The following ATP11A variants were observed in gnomAD, a reference collection of about 807,000 sequenced individuals.
ATP11A encodes phospholipid-transporting ATPase IH.
A neutral mutation model predicts 154.4 loss-of-function variants in ATP11A; 81 were observed. That is an observed-to-expected ratio of 0.52 (90% CI 0.44 to 0.63). The LOEUF is 0.63. Among genes scored for constraint, ATP11A ranks in the 30% least tolerant of loss-of-function variants. The pLI, the probability that ATP11A is intolerant of heterozygous loss-of-function variation, is 0.00. For synonymous variants in ATP11A, 623 were observed against 585.9 expected (o/e 1.06, Z -0.91); for missense variants, 1,316 against 1,474.3 (o/e 0.89, Z 1.76).
At chr13:112,826,955 C>G (rs2078950100) in intron 12 of ATP11A, 64 bp downstream of exon 12, 3 of 1,552,898 alleles carry the variant, frequency 1.9e-6, no homozygotes, top group Non-Finnish European at 1.8e-6. Context: ...CTTCACGTTC[C>G]TCAGGTCCTG....
chr13:112,755,845 G>A (rs1272620120), intron 1 of ATP11A, among the ~76,000 whole-genome samples: 4 of 70,122 alleles, frequency 5.7e-5, no homozygotes, highest in East Asian at 7.6e-4. Flanking sequence ...CACTCAGAGC[G>A]GCTCCCAGAA....
In ATP11A at chr13:112,875,588, C is replaced by A. The variant is rs141131680; in HGVS notation, c.3162-188C>A. Among the ~76,000 whole-genome samples, 243 of 151,886 alleles carry A rather than the reference C, an allele frequency of 1.6e-3. No individual in the cohort carries two copies. Among genetic ancestry groups the A allele is most frequent in the African/African-American group, 5.6e-3 (233 of 41,310 alleles). On this transcript the variant is annotated intron_variant, in intron 27 of 29. Transcript: ENST00000375645. This position sits in a 1 kb window ranked among gnomAD's most constrained non-coding sequence, Gnocchi z 4.1. ...GAATTCCTTCTCCCGTTCCTCTTAC[C>A]CCAGCATTACCGGGAGGTTCAGTGT...
chr13:112,721,568 G>T (rs929064228), intron 1 of ATP11A, among the ~76,000 whole-genome samples: 1 of 152,164 alleles, frequency 6.6e-6, no homozygotes, highest in African/African-American at 2.4e-5. Context: ...GATGGAACGG[G>T]GATGTGGCCT....
At position 112,875,285 on chromosome 13, in the gene ATP11A, C is replaced by G. The variant is rs2080684249; in HGVS notation, c.3162-491C>G. ...GCACGTATAGACGTGGACCTGTGGG[C>G]TCGGGCTGGCTGCGGGTCACTGGTC... is the stretch of plus-strand genomic sequence containing the variant. On this transcript the variant is annotated intron_variant, in intron 27 of 29. Transcript: ENST00000375645. This position sits in a 1 kb window ranked among gnomAD's most constrained non-coding sequence, Gnocchi z 4.1. Among the ~76,000 whole-genome samples the G allele has an allele frequency of 6.6e-6, 1 of 152,186 alleles. No homozygotes were observed. The highest frequency in any genetic ancestry group is 1.5e-5 in the Non-Finnish European group (1 of 68,038).
chr13:112,817,329 A>G (rs541522090), intron 6 of ATP11A, among the ~76,000 whole-genome samples: 1 of 152,340 alleles, frequency 6.6e-6, no homozygotes, highest in South Asian at 2.1e-4. Flanking sequence ...CTAGTCTTTC[A>G]TAGATAATTC....
chr13:112,802,964 CT>C (rs2078178610), intron 2 of ATP11A, among the ~76,000 whole-genome samples: 1 of 152,076 alleles, frequency 6.6e-6, no homozygotes, highest in African/African-American at 2.4e-5. Flanking sequence ...AAGTTAGTTT[CT>C]TTTTTAAAAC....
At chr13:112,759,165 C>T (rs1488763337) in intron 1 of ATP11A, among the ~76,000 whole-genome samples, 1 of 152,190 alleles carries the variant, frequency 6.6e-6, no homozygotes, top group Non-Finnish European at 1.5e-5. Context: ...ACATTCGTGC[C>T]TGCAAGCAAA....
Position 112,785,377 on chromosome 13 carries a change from C to T in ATP11A, c.162+120C>T. 1.7e-6 allele frequency: 2 copies of T among 1,190,224 alleles called. No individual in the cohort carries two copies. Among genetic ancestry groups the T allele is most frequent in the Non-Finnish European group, 2.2e-6 (2 of 916,982 alleles). 73.7% of individuals were successfully genotyped at this position (1,190,224 alleles called of 1,614,324 possible). A position where few individuals can be genotyped will look rare whatever the true frequency, so the allele number is the denominator to read the frequency against. On this transcript the variant is annotated intron_variant, in intron 2 of 29. Transcript: ENST00000375645. The surrounding 1 kb of genome is among the most constrained non-coding windows in gnomAD (Gnocchi z 4.8). The stretch of plus-strand genomic sequence containing the variant: ...CTGGCCCTGCTGTCACAGCCACCAG[C>T]CACCCCCAGCAAGGGCTTCGGATCA...
chr13:112,871,913 C>T, intron 26 of ATP11A, 113 bp downstream of exon 26: 1 of 1,187,548 alleles, frequency 8.4e-7, no homozygotes, highest in Non-Finnish European at 1.2e-6. Context: ...CTGGAAGCCA[C>T]TCTCCACCCA....
At chr13:112,741,986 A>G (rs28482066) in intron 1 of ATP11A, among the ~76,000 whole-genome samples, 1 of 149,020 alleles carries the variant, frequency 6.7e-6, no homozygotes, top group Admixed American at 6.7e-5. Flanking sequence ...TGGTTCCCCC[A>G]CCACAGAAGA....
intron 5 of ATP11A, among the ~76,000 whole-genome samples, chr13:112,814,727 A>G (rs185345794): frequency 6.6e-6 from 1 of 152,230 alleles, no homozygotes; most frequent in Admixed American, 6.5e-5. Flanking sequence ...GCCCATGCCC[A>G]CCAATCCCAC....
chr13:112,828,300 G>A (rs1337839038), intron 12 of ATP11A, among the ~76,000 whole-genome samples: 2 of 144,940 alleles, frequency 1.4e-5, no homozygotes, highest in Non-Finnish European at 3.0e-5. Context: ...AAAGTACCCA[G>A]AAGTGTTGAG....
intron 1 of ATP11A, among the ~76,000 whole-genome samples, chr13:112,760,381 G>A (rs1365561293): frequency 1.3e-5 from 2 of 152,170 alleles, no homozygotes; most frequent in African/African-American, 4.8e-5. Context: ...CCCCCAGTAA[G>A]TTTAGCATTA....
Position 112,883,764 on chromosome 13 carries a change from T to C in ATP11A, c.*1898T>C, listed in dbSNP as rs1594275194. ...GGGCCACCCTGCCCTGAGGTCCTTGTGTGGCCGCCCTGGCTTGGCAGCCCT... is the reference window on the plus strand; with the variant it reads ...GGGCCACCCTGCCCTGAGGTCCTTGCGTGGCCGCCCTGGCTTGGCAGCCCT... On this transcript the variant is annotated 3_prime_UTR_variant, in exon 30 of 30. Coordinates refer to ENST00000375645, the MANE Select transcript of ATP11A (RefSeq NM_015205.3). 1 of 152,612 alleles carries C rather than the reference T, an allele frequency of 6.6e-6. No individual in the cohort carries two copies. The highest frequency in any genetic ancestry group is 1.9e-4 in the East Asian group (1 of 5,186). 9.5% of individuals were successfully genotyped at this position (152,612 alleles called of 1,614,324 possible).
Position 112,690,304 on chromosome 13 carries a change from C to G in ATP11A, c.-113C>G. Reference sequence around the variant, plus strand: ...CCGCCCCCTGCACCGCCCGGCGCGCCGAGGCCGTGACCGGAGCGGGGGGCG... The same window carrying G: ...CCGCCCCCTGCACCGCCCGGCGCGCGGAGGCCGTGACCGGAGCGGGGGGCG... On this transcript the variant is annotated 5_prime_UTR_variant, in exon 1 of 30. Transcript: ENST00000375645. The surrounding 1 kb of genome is among the most constrained non-coding windows in gnomAD (Gnocchi z 5.6). 1 of 803,204 alleles carries G rather than the reference C, an allele frequency of 1.2e-6. No individual in the cohort carries two copies. The highest frequency in any genetic ancestry group is 1.6e-6 in the Non-Finnish European group (1 of 632,990). The allele number at this position is 803,204 out of a possible 1,614,324, so 49.8% of individuals were successfully genotyped here.
intron 1 of ATP11A, among the ~76,000 whole-genome samples, chr13:112,763,409 A>T (rs373660677): frequency 2.6e-5 from 4 of 152,178 alleles, no homozygotes; most frequent in African/African-American, 9.7e-5. Flanking sequence ...TAAGTTTCCA[A>T]CCTGACTCTA....
Position 112,858,305 on chromosome 13 carries a change from G to A in ATP11A, c.2667+15G>A, listed in dbSNP as rs755985444. 2.6e-5 allele frequency: 42 copies of A among 1,602,838 alleles called. No individual in the cohort carries two copies. Among genetic ancestry groups the A allele is most frequent in the South Asian group, 1.1e-4 (10 of 90,394 alleles). ...TCTTCTATAAGGTAGGAGGGTCGCC[G>A]CTCCCCCTCACGGTGTTAGCAACAG... On this transcript the variant is annotated intron_variant, in intron 22 of 29. Transcript: ENST00000375645.
In ATP11A at chr13:112,826,553, C is replaced by T. The variant is rs2078939389; in HGVS notation, c.1024-141C>T. ...CAGTGGCTGCCTTCCGCCCATAGTCCTTGTCTTTGGACTCTGAAATCTTGT... is the reference window on the plus strand; with the variant it reads ...CAGTGGCTGCCTTCCGCCCATAGTCTTTGTCTTTGGACTCTGAAATCTTGT... On this transcript the variant is annotated intron_variant, in intron 11 of 29. Transcript: ENST00000375645. The T allele has an allele frequency of 2.5e-5, 18 of 730,620 alleles. No homozygotes were observed. In the South Asian group the frequency reaches 2.8e-4, roughly 11 times the overall value. 45.3% of individuals were successfully genotyped at this position (730,620 alleles called of 1,614,324 possible).
intron 1 of ATP11A, among the ~76,000 whole-genome samples, chr13:112,718,459 C>T (rs1039992595): frequency 1.3e-5 from 2 of 152,176 alleles, no homozygotes; most frequent in African/African-American, 4.8e-5. Flanking sequence ...GTGCCGCCTG[C>T]CGCAAGTTTC....
Sources: allele counts gnomAD v4.1 joint callset (sites outside exome capture counted in the v4.1 genomes callset), GRCh38; gene constraint gnomAD v4.1.1; non-coding constraint Gnocchi (gnomAD v3.1); transcripts MANE v1.5; gene names NCBI Gene and HGNC (gene_info 2026-07-23, HGNC 2026-07-21).